Variants in FSTL5 observed in about 807,000 individuals in gnomAD.
FSTL5 encodes the protein follistatin like 5, also known as follistatin-related protein 5.
FSTL5 carries 62 observed loss-of-function variants against 89.1 expected under a neutral mutation model. The observed-to-expected ratio is 0.70, with a 90% CI of 0.57 to 0.86. The LOEUF (loss-of-function observed/expected upper bound fraction) is 0.86. Among genes scored for constraint, FSTL5 ranks in the 40% least tolerant of loss-of-function variants. The pLI, the probability that FSTL5 is intolerant of heterozygous loss-of-function variation, is 0.00. For missense variants in FSTL5, 1,057 were observed against 1,001.6 expected, an observed-to-expected ratio of 1.06 and a Z score of -0.75; for synonymous variants, 383 against 346.2, an observed-to-expected ratio of 1.11 and a Z score of -1.18.
rs561643360 is a variant in FSTL5 at position 161,773,143 on chromosome 4, T to C, written c.606+2735A>G. On this transcript the variant is annotated intron_variant, in intron 5 of 15. Coordinates refer to ENST00000306100, the MANE Select transcript of FSTL5 (RefSeq NM_020116.5). Reference sequence around the variant, plus strand: ...GTGCTGGGATAATTGGCAAACCACATGGAGAAGAATGAAACTGGATCCTCA... The same window carrying C: ...GTGCTGGGATAATTGGCAAACCACACGGAGAAGAATGAAACTGGATCCTCA... Among the ~76,000 whole-genome samples, 5 of 152,118 alleles carry C rather than the reference T, an allele frequency of 3.3e-5. No homozygotes were observed. In the East Asian group the frequency reaches 9.7e-4, roughly 29 times the overall value.
At chr4:161,994,726 G>A (rs1486780507) in intron 3 of FSTL5, among the ~76,000 whole-genome samples, 5 of 152,090 alleles carry the variant, frequency 3.3e-5, no homozygotes. Context: ...TTAATGAGGT[G>A]TTTTGTTTTT....
intron 6 of FSTL5, among the ~76,000 whole-genome samples, chr4:161,700,195 G>A (rs915922254): frequency 2.6e-5 from 4 of 152,072 alleles, no homozygotes; most frequent in African/African-American, 4.8e-5. Context: ...TGACAAGGTG[G>A]TCTATACTTA....
intron 3 of FSTL5, among the ~76,000 whole-genome samples, chr4:161,997,588 G>GTATACA (rs1284410885): frequency 6.9e-6 from 1 of 144,776 alleles, no homozygotes; most frequent in Non-Finnish European, 1.5e-5. Flanking sequence ...GTGCATAAGT[G>GTATACA]TATACATGTT....
intron 2 of FSTL5, among the ~76,000 whole-genome samples, chr4:162,037,951 T>C (rs1044511823): frequency 6.6e-6 from 1 of 151,986 alleles, no homozygotes; most frequent in African/African-American, 2.4e-5. Context: ...GTTCAAAATA[T>C]TTACTTTAAA....
At chr4:162,057,626 T>A (rs1156456765) in intron 2 of FSTL5, among the ~76,000 whole-genome samples, 1 of 152,168 alleles carries the variant, frequency 6.6e-6, no homozygotes, top group Non-Finnish European at 1.5e-5. Context: ...TTTTACTATA[T>A]ATTCAATGTA....
intron 4 of FSTL5, among the ~76,000 whole-genome samples, chr4:161,847,892 T>C (rs1438698396): frequency 6.6e-6 from 1 of 151,128 alleles, no homozygotes; most frequent in Non-Finnish European, 1.5e-5. Context: ...AAAAATTATC[T>C]GGGTGTGGTG....
intron 4 of FSTL5, among the ~76,000 whole-genome samples, chr4:161,818,944 A>G (rs1179578264): frequency 1.3e-5 from 2 of 152,276 alleles, no homozygotes; most frequent in East Asian, 3.9e-4. Context: ...TTTTAAAACC[A>G]TCTTAAGTAA....
At chr4:161,894,367 ATC>A (rs1261984356) in intron 4 of FSTL5, among the ~76,000 whole-genome samples, 1 of 152,234 alleles carries the variant, frequency 6.6e-6, no homozygotes, top group East Asian at 1.9e-4. Flanking sequence ...ACCAATGTCC[ATC>A]TCTGTTTTGT....
At chr4:161,910,937 T>C (rs1030787681) in intron 4 of FSTL5, among the ~76,000 whole-genome samples, 1 of 152,174 alleles carries the variant, frequency 6.6e-6, no homozygotes, top group Non-Finnish European at 1.5e-5. Context: ...CATTTTGATT[T>C]TTTTCCTGAT....
At chr4:161,416,818 C>T (rs1731803534) in intron 15 of FSTL5, among the ~76,000 whole-genome samples, 1 of 147,690 alleles carries the variant, frequency 6.8e-6, no homozygotes, top group Non-Finnish European at 1.5e-5. Flanking sequence ...ACACTCCAGC[C>T]TGGGTGACAG....
At chr4:161,811,449 T>C (rs755454092) in intron 4 of FSTL5, among the ~76,000 whole-genome samples, 14 of 152,162 alleles carry the variant, frequency 9.2e-5, no homozygotes, top group Non-Finnish European at 1.9e-4. Context: ...TAATGGACCT[T>C]CTACACACAT....
intron 8 of FSTL5, among the ~76,000 whole-genome samples, chr4:161,546,786 TA>T (rs1732022906): frequency 6.6e-6 from 1 of 152,062 alleles, no homozygotes; most frequent in East Asian, 1.9e-4. Context: ...ACACCAATCT[TA>T]TACAAGCTCT....
chr4:161,780,688 C>T (rs1741632709), intron 4 of FSTL5, among the ~76,000 whole-genome samples: 1 of 152,188 alleles, frequency 6.6e-6, no homozygotes, highest in African/African-American at 2.4e-5. Context: ...AATGCCTGCA[C>T]CTGTATAGCT....
chr4:161,861,091 T>A (rs941687420), intron 4 of FSTL5, among the ~76,000 whole-genome samples: 1 of 152,208 alleles, frequency 6.6e-6, no homozygotes, highest in African/African-American at 2.4e-5. Context: ...ATTGATATTA[T>A]CCTACTAGAG....
chr4:161,743,590 T>A (rs1313574602), intron 6 of FSTL5, among the ~76,000 whole-genome samples: 3 of 152,048 alleles, frequency 2.0e-5, no homozygotes, highest in Non-Finnish European at 4.4e-5. Context: ...AAAAACACTA[T>A]TAGGATATTG....
chr4:161,722,453 CT>C (rs1180447647), intron 6 of FSTL5, among the ~76,000 whole-genome samples: 7 of 152,094 alleles, frequency 4.6e-5, no homozygotes, highest in Non-Finnish European at 8.8e-5. Flanking sequence ...TTTTCTCCTA[CT>C]TTACAGATAA....
chr4:161,921,773 C>T (rs147566954), intron 3 of FSTL5, among the ~76,000 whole-genome samples: 7 of 152,088 alleles, frequency 4.6e-5, no homozygotes, highest in Non-Finnish European at 1.0e-4. Context: ...AGGTGACTAC[C>T]TAACACATCT....
At chr4:161,980,531 A>G (rs1735796868) in intron 3 of FSTL5, among the ~76,000 whole-genome samples, 1 of 151,152 alleles carries the variant, frequency 6.6e-6, no homozygotes, top group South Asian at 2.1e-4. Context: ...CTCTCTCTAC[A>G]TTTTCATATT....
intron 13 of FSTL5, among the ~76,000 whole-genome samples, chr4:161,463,163 AT>A (rs937147559): frequency 5.9e-5 from 9 of 152,134 alleles, no homozygotes; most frequent in Non-Finnish European, 1.0e-4. Context: ...GAGGAAAAAA[AT>A]ATCAGCCAAT....
Sources: allele counts gnomAD v4.1 joint callset (sites outside exome capture counted in the v4.1 genomes callset), GRCh38; gene constraint gnomAD v4.1.1; transcripts MANE v1.5; gene names NCBI Gene and HGNC (gene_info 2026-07-23, HGNC 2026-07-21).